Variants in ULK2 observed in about 807,000 individuals in gnomAD.
ULK2 encodes the protein serine/threonine-protein kinase ULK2.
In ULK2, 76 loss-of-function variants were observed where a neutral mutation model predicts 127.5. The ratio of observed to expected loss-of-function variants is 0.60; its 90% CI spans 0.50 to 0.72. The LOEUF (loss-of-function observed/expected upper bound fraction) is 0.72, where lower values mean the gene tolerates loss of function less well. ULK2 is among the 30% of genes least tolerant of loss of function. The probability of loss-of-function intolerance (pLI) is 0.00; values close to 1 mark genes in which losing one functional copy is unlikely to be tolerated. For missense variants in ULK2, 1,144 were observed against 1,295.9 expected (o/e 0.88, Z 1.80); for synonymous variants, 452 against 461.9 (o/e 0.98, Z 0.28).
intron 22 of ULK2, among the ~76,000 whole-genome samples, chr17:19,783,303 T>C (rs1025203887): frequency 1.4e-4 from 21 of 151,944 alleles, no homozygotes; most frequent in Non-Finnish European, 2.5e-4. Flanking sequence ...ATACAAAAAT[T>C]AGCCGGGCAT....
intron 9 of ULK2, chr17:19,840,484 A>T: frequency 2.2e-6 from 1 of 462,484 alleles, no homozygotes; most frequent in Admixed American, 2.7e-5. Flanking sequence ...CGGGAAGGAA[A>T]ATTGGATCAA....
intron 12 of ULK2, among the ~76,000 whole-genome samples, chr17:19,818,797 C>CTTTTT (rs71157835): frequency 1.0e-3 from 80 of 77,616 alleles, no homozygotes; most frequent in African/African-American, 1.3e-3. Flanking sequence ...TTTCTTTTTT[C>CTTTTT]TTTTTTTTTT....
In ULK2 at chr17:19,867,448, G is replaced by GC; in HGVS notation, c.-32dup. On this transcript the variant is annotated 5_prime_UTR_variant, in exon 1 of 27. Transcript: ENST00000395544. ...CGCCCCCGGGGCACACAGCGGACGG[G>GC]CGGGCGGCGCAGTGCGGCGCAGGTA... is the stretch of plus-strand genomic sequence containing the variant. 1 of 1,574,390 alleles carries GC rather than the reference G, an allele frequency of 6.4e-7. No homozygotes were observed. The highest frequency in any genetic ancestry group is 8.6e-7 in the Non-Finnish European group (1 of 1,161,138).
At chr17:19,781,476 G>A (rs182168450) in intron 23 of ULK2, among the ~76,000 whole-genome samples, 1 of 151,984 alleles carries the variant, frequency 6.6e-6, no homozygotes, top group Admixed American at 6.6e-5. Flanking sequence ...TCGAACCCAT[G>A]GGCTCAAGCA....
chr17:19,857,061 T>A (rs932417945), intron 3 of ULK2, among the ~76,000 whole-genome samples: 49 of 150,614 alleles, frequency 3.3e-4, no homozygotes, highest in African/African-American at 1.2e-3. Flanking sequence ...ATCCCAACAC[T>A]TTGGGAGGCC....
chr17:19,853,240 G>A (rs915883899), intron 3 of ULK2, among the ~76,000 whole-genome samples: 3 of 150,524 alleles, frequency 2.0e-5, no homozygotes, highest in African/African-American at 7.3e-5. Context: ...GTTCAAGCGA[G>A]TCTCCTGCCT....
At chr17:19,850,260 T>C (rs1469508248) in intron 3 of ULK2, among the ~76,000 whole-genome samples, 1 of 152,144 alleles carries the variant, frequency 6.6e-6, no homozygotes, top group Non-Finnish European at 1.5e-5. Flanking sequence ...TTTTTCTGTT[T>C]TTTATGTTTA....
chr17:19,774,281 G>A lies in ULK2; in HGVS notation c.*2068C>T, dbSNP rs1472387304. The A allele has an allele frequency of 1.3e-5, 2 of 152,552 alleles. No individual in the cohort carries two copies. The highest frequency in any genetic ancestry group is 1.3e-4 in the Admixed American group (2 of 15,272). The allele number at this position is 152,552 out of a possible 1,614,324, so 9.4% of individuals were successfully genotyped here. A position where few individuals can be genotyped will look rare whatever the true frequency, so the allele number is the denominator to read the frequency against. On this transcript the variant is annotated 3_prime_UTR_variant, in exon 27 of 27. Coordinates refer to ENST00000395544, the MANE Select transcript of ULK2 (RefSeq NM_014683.4). ...ACATTTTGTTCTTTTCTGCTGTTGA[G>A]ACTTCACTGTTTCACACACACCATC...
chr17:19,813,802 C>T (rs1395945212), intron 13 of ULK2, among the ~76,000 whole-genome samples: 1 of 151,990 alleles, frequency 6.6e-6, no homozygotes, highest in Non-Finnish European at 1.5e-5. Context: ...ATTAAAGAAA[C>T]CTAAATAAGT....
rs895736447 is a variant in ULK2, at chr17:19,838,871, GA to G, written c.705-289del. ...TGAAACCCCATCTCTACTAAAAATA[GA>G]AAAAAAAAATTAGCTGGGCGTGGTG... On this transcript the variant is annotated intron_variant, in intron 9 of 26. Coordinates refer to ENST00000395544, the MANE Select transcript of ULK2 (RefSeq NM_014683.4). 3.3e-4 allele frequency among the ~76,000 whole-genome samples: 49 copies of G among 148,414 alleles called. 1 individual carries two copies. The East Asian group carries it at 5.5e-3, about 17-fold the overall frequency.
chr17:19,773,574 A>G lies in ULK2; in HGVS notation c.*2775T>C, dbSNP rs940276000. 2.0e-5 allele frequency: 3 copies of G among 152,232 alleles called. No homozygotes were observed. The highest frequency in any genetic ancestry group is 7.2e-5 in the African/African-American group (3 of 41,462). 9.4% of individuals were successfully genotyped at this position (152,232 alleles called of 1,614,324 possible). On this transcript the variant is annotated 3_prime_UTR_variant, in exon 27 of 27. Coordinates refer to ENST00000395544, the MANE Select transcript of ULK2 (RefSeq NM_014683.4). ...ATTGGGTGTTGTAATTTTTAACTTGATATTCCCAGACAAGTGCCAGGAGAG... is the reference window on the plus strand; with the variant it reads ...ATTGGGTGTTGTAATTTTTAACTTGGTATTCCCAGACAAGTGCCAGGAGAG...
In ULK2 at chr17:19,777,069, C is replaced by CTATG. The variant is rs200748090; in HGVS notation, c.3052+508_3052+511dup. Among the ~76,000 whole-genome samples, 368 of 152,198 alleles carry CTATG rather than the reference C, an allele frequency of 2.4e-3. 16 individuals are homozygous for CTATG. In the East Asian group the frequency reaches 0.058, roughly 24 times the overall value. Reference sequence around the variant, plus strand: ...TTTATCTATATATCTATCTATGTATCTATGTATGTATCTACCTACCTACCT... The same window carrying CTATG: ...TTTATCTATATATCTATCTATGTATCTATGTATGTATGTATCTACCTACCTACCT... On this transcript the variant is annotated intron_variant, in intron 26 of 26. Transcript: ENST00000395544.
chr17:19,806,802 T>C (rs142863895), intron 14 of ULK2, among the ~76,000 whole-genome samples: 1 of 152,324 alleles, frequency 6.6e-6, no homozygotes, highest in Non-Finnish European at 1.5e-5. Flanking sequence ...ATTCTCTGTG[T>C]GGACCGTCAT....
At chr17:19,838,393 A>C in intron 10 of ULK2, 108 bp downstream of exon 10, 1 of 992,326 alleles carries the variant, frequency 1.0e-6, no homozygotes, top group Non-Finnish European at 1.5e-6. Context: ...AATAAACAAA[A>C]AGAAAAGTGA....
intron 10 of ULK2, among the ~76,000 whole-genome samples, chr17:19,830,981 T>C (rs2041426175): frequency 1.3e-5 from 2 of 149,116 alleles, no homozygotes; most frequent in South Asian, 4.3e-4. Flanking sequence ...GAGCCACGAT[T>C]GCTCCACTGC....
chr17:19,798,884 C>T lies in ULK2; in HGVS notation c.1522+611G>A, dbSNP rs116477704. The stretch of plus-strand genomic sequence containing the variant: ...CTTACCAAAAATGGTATTAATCAGC[C>T]GGGCATGGTGGCTCACACCTGTAAT... On this transcript the variant is annotated intron_variant, in intron 17 of 26. Coordinates refer to ENST00000395544, the MANE Select transcript of ULK2 (RefSeq NM_014683.4). Among the ~76,000 whole-genome samples the T allele has an allele frequency of 8.6e-3, 1,310 of 152,110 alleles. 25 individuals are homozygous for T. Among genetic ancestry groups the T allele is most frequent in the African/African-American group, 0.03 (1,258 of 41,480 alleles).
At chr17:19,813,246 C>T (rs2040888426) in intron 13 of ULK2, among the ~76,000 whole-genome samples, 1 of 152,176 alleles carries the variant, frequency 6.6e-6, no homozygotes, top group African/African-American at 2.4e-5. Flanking sequence ...CAATGAGACA[C>T]TCCCACATAC....
At position 19,782,015 on chromosome 17, in the gene ULK2, T is replaced by A; in HGVS notation, c.2513A>T (p.Glu838Val). 6.2e-7 allele frequency: 1 copy of A among 1,614,190 alleles called. No homozygotes were observed. Among genetic ancestry groups the A allele is most frequent in the East Asian group, 2.2e-5 (1 of 44,890 alleles). ...CATGGCTGTCAGGTCCAGCACACAC[T>A]CAGTGAACATCAGCATCACATTCAG... ...RHLNVMLMFTECVLDLTAMRG... is the reference protein window; with the variant it reads ...RHLNVMLMFTVCVLDLTAMRG... Residue 838 changes from glutamate (E) to valine (V), a missense_variant, in exon 23 of 27, where the codon GAG becomes GTG. By Grantham distance (121) the Glu-to-Val change is moderately radical. Around this residue, in one of 2 missense-constraint regions of ULK2, gnomAD observed 913 missense variants for 970.5 expected, o/e 0.94. Transcript: ENST00000395544.
intron 20 of ULK2, among the ~76,000 whole-genome samples, chr17:19,787,737 T>C (rs530573939): frequency 2.0e-5 from 3 of 152,202 alleles, no homozygotes; most frequent in Non-Finnish European, 4.4e-5. Flanking sequence ...ATAAAGCACC[T>C]TCATAAGAAC....
Sources: gnomAD v4.1 joint callset for allele counts (sites outside exome capture counted in the v4.1 genomes callset) on GRCh38, gnomAD v4.1.1 for gene constraint, gnomAD v4.1.1 regional missense constraint, MANE v1.5 for transcripts, NCBI Gene and HGNC (gene_info 2026-07-23, HGNC 2026-07-21) for gene names.